The following PCDHGA8 variants were observed in gnomAD, a reference collection of about 807,000 sequenced individuals.
PCDHGA8 encodes the protein protocadherin gamma subfamily A, 8.
PCDHGA8 carries 45 observed loss-of-function variants against 59.2 expected under a neutral mutation model. That is an observed-to-expected ratio of 0.76 (90% CI 0.60 to 0.98). The LOEUF is 0.98. Ranked by LOEUF, PCDHGA8 falls within the 50% of genes least tolerant of loss-of-function variation. PCDHGA8 has a pLI of 0.00. For missense variants in PCDHGA8, 1,257 were observed against 1,196.2 expected (o/e 1.05, Z -0.75); for synonymous variants, 531 against 519.0 (o/e 1.02, Z -0.32).
At chr5:141,409,702 G>C (rs545411022) in intron 1 of PCDHGA8, 2 of 1,613,108 alleles carry the variant, frequency 1.2e-6, no homozygotes, top group African/African-American at 2.7e-5. Context: ...AGCCCCTGGC[G>C]GTGTCGTCAT....
rs756144117 is a variant in PCDHGA8, at chr5:141,485,181, G to A, written c.2425-9626G>A. On this transcript the variant is annotated intron_variant, in intron 1 of 3. Transcript: ENST00000398604. This position sits in a 1 kb window ranked among gnomAD's most constrained non-coding sequence, Gnocchi z 5.7. ...AATTAGCGGGCGGCAGCAATGCTCC[G>A]CAAGGTGAGAAGCTGGACAGAAATC... 3.1e-6 allele frequency: 5 copies of A among 1,612,942 alleles called. No individual in the cohort carries two copies. The South Asian group carries it at 4.4e-5, about 14-fold the overall frequency.
intron 1 of PCDHGA8, chr5:141,415,732 T>G (rs1159160519): frequency 5.0e-6 from 7 of 1,411,138 alleles, no homozygotes; most frequent in Non-Finnish European, 6.5e-6. Context: ...AATTTGATGT[T>G]TATTAAGGTT....
chr5:141,485,060 G>C lies in PCDHGA8; in HGVS notation c.2425-9747G>C. ...ACCCTTGCGGCGCCGGCCGAACCGCGCCAGAGCTGGCGCGGGGAAAGGGAG... is the reference window on the plus strand; with the variant it reads ...ACCCTTGCGGCGCCGGCCGAACCGCCCCAGAGCTGGCGCGGGGAAAGGGAG... On this transcript the variant is annotated intron_variant, in intron 1 of 3. Transcript: ENST00000398604. This position sits in a 1 kb window ranked among gnomAD's most constrained non-coding sequence, Gnocchi z 5.7. 1 of 862,304 alleles carries C rather than the reference G, an allele frequency of 1.2e-6. No individual in the cohort carries two copies. The highest frequency in any genetic ancestry group is 1.9e-6 in the Non-Finnish European group (1 of 540,422). 53.4% of individuals were successfully genotyped at this position (862,304 alleles called of 1,614,324 possible).
In PCDHGA8 at chr5:141,419,975, G is replaced by A. The variant is rs372316838; in HGVS notation, c.2424+24738G>A. ...CTTGATTTCTGTGCTCTTTCTCCTC[G>A]CGGTGATTCTAGCTATTGCTCTACG... On this transcript the variant is annotated intron_variant, in intron 1 of 3. Coordinates refer to ENST00000398604, the MANE Select transcript of PCDHGA8 (RefSeq NM_032088.2). 273 of 1,613,928 alleles carry A rather than the reference G, an allele frequency of 1.7e-4. No homozygotes were observed. The highest frequency in any genetic ancestry group is 2.2e-4 in the Non-Finnish European group (261 of 1,179,916).
chr5:141,503,372 G>A (rs1275544964), intron 2 of PCDHGA8, among the ~76,000 whole-genome samples: 1 of 151,968 alleles, frequency 6.6e-6, no homozygotes, highest in Non-Finnish European at 1.5e-5. Context: ...GGAGGCAGGT[G>A]GATCATGAGG....
At chr5:141,448,707 G>A (rs1455790773) in intron 1 of PCDHGA8, among the ~76,000 whole-genome samples, 4 of 152,228 alleles carry the variant, frequency 2.6e-5, no homozygotes, top group South Asian at 2.1e-4. Flanking sequence ...TTGGGAGGCC[G>A]AGGCGGGAGG....
chr5:141,504,561 T>G (rs1023434942), intron 2 of PCDHGA8, among the ~76,000 whole-genome samples: 1 of 150,052 alleles, frequency 6.7e-6, no homozygotes, highest in Non-Finnish European at 1.5e-5. Context: ...GGGACTGGCA[T>G]TCTAGGGAAC....
At chr5:141,436,439 A>G (rs1481744238) in intron 1 of PCDHGA8, among the ~76,000 whole-genome samples, 5 of 152,208 alleles carry the variant, frequency 3.3e-5, no homozygotes, top group African/African-American at 1.2e-4. Flanking sequence ...TCTGGGGATT[A>G]CCTGATACCA....
rs61612330 is a variant in PCDHGA8 at position 141,454,796 on chromosome 5, ATTTTTTTT to A, written c.2425-39989_2425-39982del. Reference sequence around the variant, plus strand: ...AAGGAAATAATCCTCCATGGTTCTAATTTTTTTTTTTTTTTTTTTTTTTTTTTTTGAGA... The same window carrying A: ...AAGGAAATAATCCTCCATGGTTCTAATTTTTTTTTTTTTTTTTTTTTGAGA... On this transcript the variant is annotated intron_variant, in intron 1 of 3. Transcript: ENST00000398604. Among the ~76,000 whole-genome samples, 398 of 77,454 alleles carry A rather than the reference ATTTTTTTT, an allele frequency of 5.1e-3. 2 individuals are homozygous for A. The highest frequency in any genetic ancestry group is 0.021 in the African/African-American group (363 of 16,886). 50.8% of individuals were successfully genotyped at this position (77,454 alleles called of 152,430 possible).
chr5:141,393,744 G>A lies in PCDHGA8; in HGVS notation c.931G>A (p.Glu311Lys), dbSNP rs770821376. The A allele has an allele frequency of 2.0e-5, 32 of 1,613,750 alleles. No individual in the cohort carries two copies. The highest frequency in any genetic ancestry group is 2.7e-5 in the Non-Finnish European group (32 of 1,179,884). The change falls in exon 1 of 4, where the codon GAA (glutamate) becomes AAA (lysine). Residue 311 changes from glutamate to lysine, a missense_variant. Glu to Lys is a moderately conservative substitution (Grantham distance 56, BLOSUM62 1). Coordinates refer to ENST00000398604, the MANE Select transcript of PCDHGA8 (RefSeq NM_032088.2). ...AATAGCAAAAAGTCTAGATTATGAAGAATGTTCATTTTATGAAATGGAAAT... is the reference window on the plus strand; with the variant it reads ...AATAGCAAAAAGTCTAGATTATGAAAAATGTTCATTTTATGAAATGGAAAT... ...ISIAKSLDYEECSFYEMEIQA... is the reference protein window; with the variant it reads ...ISIAKSLDYEKCSFYEMEIQA...
chr5:141,401,281 G>C (rs2094135967), intron 1 of PCDHGA8, among the ~76,000 whole-genome samples: 1 of 152,200 alleles, frequency 6.6e-6, no homozygotes, highest in Non-Finnish European at 1.5e-5. Context: ...GGTGGAGGTT[G>C]CGGTGAGCCG....
chr5:141,462,792 G>C (rs2099046915), intron 1 of PCDHGA8, among the ~76,000 whole-genome samples: 1 of 152,080 alleles, frequency 6.6e-6, no homozygotes, highest in Admixed American at 6.6e-5. Flanking sequence ...TTGCTTATTT[G>C]CATGTCTAAT....
chr5:141,397,995 C>T, intron 1 of PCDHGA8: 1 of 1,367,706 alleles, frequency 7.3e-7, no homozygotes, highest in Non-Finnish European at 9.8e-7. Flanking sequence ...CCGCTTCCTC[C>T]TCGGAAAAAG....
In PCDHGA8 at chr5:141,420,077, C is replaced by T. The variant is rs760626443; in HGVS notation, c.2424+24840C>T. The T allele has an allele frequency of 2.9e-5, 47 of 1,613,782 alleles. No homozygotes were observed. Among genetic ancestry groups the T allele is most frequent in the Admixed American group, 1.0e-4 (6 of 60,004 alleles). The stretch of plus-strand genomic sequence containing the variant: ...CTGCTCCAAGTCCGGACCTGTGGGT[C>T]CCCCCAACTACAGTGAGGGAACGTT... On this transcript the variant is annotated intron_variant, in intron 1 of 3. Coordinates refer to ENST00000398604, the MANE Select transcript of PCDHGA8 (RefSeq NM_032088.2).
Position 141,395,136 on chromosome 5 carries a change from T to A in PCDHGA8, c.2323T>A (p.Tyr775Asn). Reference protein sequence around the residue: ...KSHLIFPQPNYADMLISQEGC... With the variant: ...KSHLIFPQPNNADMLISQEGC... Reference sequence around the variant, plus strand: ...TCACCTGATCTTTCCCCAGCCCAACTACGCAGACATGCTCATCAGTCAGGA... The same window carrying A: ...TCACCTGATCTTTCCCCAGCCCAACAACGCAGACATGCTCATCAGTCAGGA... The change falls in exon 1 of 4, where the codon TAC (tyrosine) becomes AAC (asparagine). Residue 775 changes from tyrosine (Y) to asparagine (N), a missense_variant. By Grantham distance (143) the Tyr-to-Asn change is moderately radical. Transcript: ENST00000398604. 1 of 1,614,202 alleles carries A rather than the reference T, an allele frequency of 6.2e-7. No individual in the cohort carries two copies. Among genetic ancestry groups the A allele is most frequent in the Non-Finnish European group, 8.5e-7 (1 of 1,180,032 alleles).
intron 1 of PCDHGA8, among the ~76,000 whole-genome samples, chr5:141,469,808 A>C (rs1253675252): frequency 2.0e-5 from 3 of 152,174 alleles, no homozygotes; most frequent in Admixed American, 6.5e-5. Flanking sequence ...AAAACATTGT[A>C]GATAGAATGG....
At chr5:141,410,006 G>T (rs1201569227) in intron 1 of PCDHGA8, 8 of 1,613,274 alleles carry the variant, frequency 5.0e-6, no homozygotes, top group Non-Finnish European at 5.1e-6. Context: ...GGGACACAAC[G>T]CCTGGCTGTC....
chr5:141,427,568 T>A (rs1260622772), intron 1 of PCDHGA8: 1 of 660,576 alleles, frequency 1.5e-6, no homozygotes, highest in Admixed American at 2.1e-5. Flanking sequence ...AGGGCAAGCC[T>A]CCGCTCTCAT....
chr5:141,509,699 C>T (rs779592471), intron 3 of PCDHGA8, among the ~76,000 whole-genome samples: 4 of 152,168 alleles, frequency 2.6e-5, no homozygotes, highest in Non-Finnish European at 5.9e-5. Flanking sequence ...GGACGTTGGA[C>T]TGGAGGTGCT....
Sources: allele counts gnomAD v4.1 joint callset (sites outside exome capture counted in the v4.1 genomes callset), GRCh38; gene constraint gnomAD v4.1.1; non-coding constraint Gnocchi (gnomAD v3.1); transcripts MANE v1.5; gene names NCBI Gene and HGNC (gene_info 2026-07-23, HGNC 2026-07-21).